The following L3MBTL4 variants were observed in gnomAD, a reference collection of about 807,000 sequenced individuals.
L3MBTL4 encodes lethal(3)malignant brain tumor-like protein 4.
Under a neutral mutation model 84.5 loss-of-function variants are expected in L3MBTL4, and 70 were observed. The ratio of observed to expected loss-of-function variants is 0.83; its 90% CI spans 0.68 to 1.01. The LOEUF (loss-of-function observed/expected upper bound fraction) is 1.01, where lower values mean the gene tolerates loss of function less well. L3MBTL4 is among the 50% of genes least tolerant of loss of function. The pLI, the probability that L3MBTL4 is intolerant of heterozygous loss-of-function variation, is 0.00. For missense variants in L3MBTL4, 715 were observed against 754.8 expected (o/e 0.95, Z 0.62); for synonymous variants, 274 against 259.8 (o/e 1.05, Z -0.52).
intron 1 of L3MBTL4, among the ~76,000 whole-genome samples, chr18:6,373,723 T>C (rs1228224691): frequency 2.0e-5 from 3 of 152,032 alleles, no homozygotes; most frequent in Non-Finnish European, 2.9e-5. Context: ...GGAATTATAG[T>C]GCAGGCCTTG....
intron 15 of L3MBTL4, 34 bp from the exon 16 acceptor site, chr18:6,080,985 T>C (rs1162128175): frequency 1.3e-6 from 2 of 1,510,964 alleles, no homozygotes; most frequent in African/African-American, 2.7e-5. Context: ...TCTAGATTCA[T>C]TATCCTGTGA....
chr18:6,176,063 G>T (rs972059323), intron 12 of L3MBTL4, among the ~76,000 whole-genome samples: 7 of 152,106 alleles, frequency 4.6e-5, no homozygotes, highest in Non-Finnish European at 4.4e-5. Flanking sequence ...TCCCACACAA[G>T]TGAAGAGAAC....
intron 14 of L3MBTL4, among the ~76,000 whole-genome samples, chr18:6,112,227 G>GA (rs1172349218): frequency 6.6e-6 from 1 of 152,128 alleles, no homozygotes; most frequent in Non-Finnish European, 1.5e-5. Flanking sequence ...TCACTGTCAA[G>GA]ACAGTCCTGT....
chr18:6,215,953 G>A (rs985184175), intron 10 of L3MBTL4, 118 bp from the exon 11 acceptor site: 2 of 533,134 alleles, frequency 3.8e-6, no homozygotes, highest in Non-Finnish European at 6.4e-6. Context: ...CCATTAAACA[G>A]ACCTGATGCT....
intron 5 of L3MBTL4, among the ~76,000 whole-genome samples, chr18:6,261,653 A>T (rs1316282073): frequency 1.3e-5 from 2 of 152,128 alleles, no homozygotes; most frequent in Non-Finnish European, 2.9e-5. Context: ...CATCATGAGG[A>T]TTTATTTCAG....
chr18:6,304,087 A>C (rs990886957), intron 3 of L3MBTL4, among the ~76,000 whole-genome samples: 4 of 152,242 alleles, frequency 2.6e-5, no homozygotes, highest in Non-Finnish European at 5.9e-5. Context: ...GTTTTCAAAA[A>C]TGAGTCATGT....
chr18:6,361,849 G>T (rs1173594870), intron 1 of L3MBTL4, among the ~76,000 whole-genome samples: 4 of 152,004 alleles, frequency 2.6e-5, no homozygotes, highest in African/African-American at 4.8e-5. Context: ...GTTGTGGCTG[G>T]GCGTGGTTGC....
In L3MBTL4 at chr18:6,327,716, G is replaced by A. The variant is rs545544467; in HGVS notation, c.-90-15660C>T. ...TCTTTCAAAAAGCAGAAGCAAGTGC[G>A]GCAAAATACTGAGATTAGTAAATCT... On this transcript the variant is annotated intron_variant, in intron 1 of 18. Coordinates refer to ENST00000317931, the MANE Select transcript of L3MBTL4 (RefSeq NM_001330559.2). Among the ~76,000 whole-genome samples, 10 of 152,236 alleles carry A rather than the reference G, an allele frequency of 6.6e-5. No homozygotes were observed. In the South Asian group the frequency reaches 1.0e-3, roughly 16 times the overall value.
intron 10 of L3MBTL4, among the ~76,000 whole-genome samples, chr18:6,223,107 G>A (rs1306253142): frequency 6.6e-6 from 1 of 151,834 alleles, no homozygotes; most frequent in Non-Finnish European, 1.5e-5. Flanking sequence ...CCAGCCAATT[G>A]GTGATTCTAG....
intron 16 of L3MBTL4, chr18:6,032,283 T>TAAAAA (rs56241623): frequency 1.2e-6 from 1 of 835,914 alleles, no homozygotes; most frequent in African/African-American, 2.0e-5. Context: ...GGCCTTAAAT[T>TAAAAA]AAAAAAAAAA....
At chr18:5,972,776 C>T (rs2144846872) in intron 16 of L3MBTL4, among the ~76,000 whole-genome samples, 1 of 152,044 alleles carries the variant, frequency 6.6e-6, no homozygotes, top group East Asian at 1.9e-4. Context: ...GCTGAGTGAC[C>T]TGGGATTAGG....
intron 17 of L3MBTL4, among the ~76,000 whole-genome samples, chr18:5,969,028 A>C (rs2052498108): frequency 6.6e-6 from 1 of 152,080 alleles, no homozygotes; most frequent in African/African-American, 2.4e-5. Context: ...CGTGCCTAGG[A>C]TGCAAGCCTC....
intron 12 of L3MBTL4, among the ~76,000 whole-genome samples, chr18:6,185,866 T>C (rs1485094658): frequency 6.6e-6 from 1 of 152,024 alleles, no homozygotes; most frequent in Admixed American, 6.5e-5. Flanking sequence ...TATGCCAAGT[T>C]CAGCAAGGCA....
chr18:6,194,760 G>A (rs1448434808), intron 12 of L3MBTL4, among the ~76,000 whole-genome samples: 6 of 152,214 alleles, frequency 3.9e-5, no homozygotes, highest in Non-Finnish European at 7.3e-5. Context: ...GAAGACACAG[G>A]TGACAGGAAA....
chr18:6,376,918 CATT>C (rs2054393049), intron 1 of L3MBTL4, among the ~76,000 whole-genome samples: 2 of 152,160 alleles, frequency 1.3e-5, no homozygotes. Flanking sequence ...ACACTGAAAT[CATT>C]GTGTATTTAC....
At chr18:6,165,592 T>C (rs536495529) in intron 13 of L3MBTL4, among the ~76,000 whole-genome samples, 1 of 152,152 alleles carries the variant, frequency 6.6e-6, no homozygotes, top group East Asian at 1.9e-4. Context: ...GCTTCATAAC[T>C]GAAGGAGAAA....
chr18:6,369,071 C>T (rs1237247440), intron 1 of L3MBTL4, among the ~76,000 whole-genome samples: 1 of 147,852 alleles, frequency 6.8e-6, no homozygotes, highest in African/African-American at 2.5e-5. Flanking sequence ...AAAGTCAATG[C>T]CTGTTATGCA....
intron 16 of L3MBTL4, among the ~76,000 whole-genome samples, chr18:6,025,691 T>C (rs1971611): frequency 0.045 from 6,809 of 152,234 alleles, 401 homozygotes; most frequent in Admixed American, 0.16. Context: ...GGGGTGGTTT[T>C]GGGATAAAAC....
At chr18:5,964,053 C>T (rs764928085) in intron 17 of L3MBTL4, among the ~76,000 whole-genome samples, 8 of 152,228 alleles carry the variant, frequency 5.3e-5, no homozygotes, top group Non-Finnish European at 1.2e-4. Context: ...GGCATGGGGG[C>T]TGCCATGTGG....
Sources: gnomAD v4.1 joint callset for allele counts (sites outside exome capture counted in the v4.1 genomes callset) on GRCh38, gnomAD v4.1.1 for gene constraint, MANE v1.5 for transcripts, NCBI Gene and HGNC (gene_info 2026-07-23, HGNC 2026-07-21) for gene names.